The following CNTN5 variants were observed in gnomAD, a reference collection of about 807,000 sequenced individuals.
CNTN5 encodes the protein contactin 5.
Under a neutral mutation model 129.1 loss-of-function variants are expected in CNTN5, and 77 were observed. The ratio of observed to expected loss-of-function variants is 0.60; its 90% CI spans 0.50 to 0.72. CNTN5 has a LOEUF of 0.72. CNTN5 is among the 30% of genes least tolerant of loss of function. The pLI is 0.00. For synonymous variants in CNTN5, 509 were observed against 465.6 expected, an observed-to-expected ratio of 1.09 and a Z score of -1.20; for missense variants, 1,478 against 1,328.8, an observed-to-expected ratio of 1.11 and a Z score of -1.75.
intron 8 of CNTN5, among the ~76,000 whole-genome samples, chr11:99,970,581 G>A (rs566009349): frequency 3.3e-5 from 5 of 152,258 alleles, no homozygotes; most frequent in African/African-American, 1.2e-4. Context: ...ACTTAGAAAA[G>A]TGCCTGTTAT....
At chr11:99,130,443 A>G (rs4565864) in intron 1 of CNTN5, among the ~76,000 whole-genome samples, 37,465 of 152,200 alleles carry the variant, frequency 0.25, 4,984 homozygotes, top group Middle Eastern at 0.3. Flanking sequence ...CACCCAATAC[A>G]GGAGCACTCA....
At chr11:99,455,543 G>A (rs919969883) in intron 2 of CNTN5, among the ~76,000 whole-genome samples, 10 of 152,000 alleles carry the variant, frequency 6.6e-5, no homozygotes, top group South Asian at 2.1e-4. Context: ...TGCTGTTGTC[G>A]AAATCAAATT....
chr11:100,155,224 T>G (rs1947198553), intron 13 of CNTN5, among the ~76,000 whole-genome samples: 1 of 152,014 alleles, frequency 6.6e-6, no homozygotes, highest in Non-Finnish European at 1.5e-5. Flanking sequence ...GGTCCAGTTT[T>G]AGTTTTCTGC....
chr11:99,495,497 A>C (rs567731672), intron 2 of CNTN5, among the ~76,000 whole-genome samples: 1 of 152,348 alleles, frequency 6.6e-6, no homozygotes, highest in East Asian at 1.9e-4. Context: ...CTCACATAGA[A>C]AGTCAGAAAG....
chr11:99,589,937 T>G (rs1179907161), intron 3 of CNTN5, among the ~76,000 whole-genome samples: 1 of 152,166 alleles, frequency 6.6e-6, no homozygotes, highest in Non-Finnish European at 1.5e-5. Flanking sequence ...TTGTATGCAG[T>G]GCATCCACAC....
At chr11:99,846,547 C>A (rs1947704984) in intron 6 of CNTN5, among the ~76,000 whole-genome samples, 1 of 151,532 alleles carries the variant, frequency 6.6e-6, no homozygotes, top group South Asian at 2.1e-4. Context: ...AGGATAGAAT[C>A]TCTAAAAAAT....
chr11:99,673,777 G>T (rs561907451), intron 3 of CNTN5, among the ~76,000 whole-genome samples: 3 of 148,242 alleles, frequency 2.0e-5, no homozygotes, highest in South Asian at 4.3e-4. Flanking sequence ...AAAAAAAAAA[G>T]ATCTCATCCT....
intron 2 of CNTN5, among the ~76,000 whole-genome samples, chr11:99,336,367 C>A (rs1376708707): frequency 6.6e-6 from 1 of 151,926 alleles, no homozygotes; most frequent in Admixed American, 6.6e-5. Flanking sequence ...TTGTGGAATT[C>A]CTTAAATAAC....
At position 99,507,068 on chromosome 11, in the gene CNTN5, C is replaced by A. The variant is rs181791394; in HGVS notation, c.-70-49077C>A. On this transcript the variant is annotated intron_variant, in intron 2 of 24. Transcript: ENST00000524871. ...AATAAAAAGTGTATTGTACCTATGACCCTCATATATGCATACATAATACAC... is the reference window on the plus strand; with the variant it reads ...AATAAAAAGTGTATTGTACCTATGAACCTCATATATGCATACATAATACAC... 1.4e-4 allele frequency among the ~76,000 whole-genome samples: 21 copies of A among 151,870 alleles called. No individual in the cohort carries two copies. The East Asian group carries it at 3.7e-3, about 27-fold the overall frequency.
intron 7 of CNTN5, among the ~76,000 whole-genome samples, chr11:99,927,790 C>G (rs1397706586): frequency 6.6e-6 from 1 of 152,062 alleles, no homozygotes; most frequent in African/African-American, 2.4e-5. Flanking sequence ...CACCTCTGGC[C>G]CCTCTCAAAT....
chr11:99,479,207 T>C (rs1326065677), intron 2 of CNTN5, among the ~76,000 whole-genome samples: 1 of 151,972 alleles, frequency 6.6e-6, no homozygotes, highest in East Asian at 1.9e-4. Context: ...AGACTGTGAA[T>C]ATTGATAACA....
At chr11:100,227,667 AGAAT>A (rs1439375225) in intron 16 of CNTN5, among the ~76,000 whole-genome samples, 8 of 152,222 alleles carry the variant, frequency 5.3e-5, no homozygotes, top group Middle Eastern at 3.2e-3. Context: ...GAACCATAAT[AGAAT>A]GAATATGTTA....
At chr11:99,056,718 A>G (rs1296759286) in intron 1 of CNTN5, among the ~76,000 whole-genome samples, 1 of 151,998 alleles carries the variant, frequency 6.6e-6, no homozygotes, top group Non-Finnish European at 1.5e-5. Flanking sequence ...TCCCAGCTTC[A>G]TTGACTTGGG....
intron 6 of CNTN5, among the ~76,000 whole-genome samples, chr11:99,855,148 A>G (rs1947994312): frequency 6.6e-6 from 1 of 152,050 alleles, no homozygotes. Context: ...ATCTCTACCA[A>G]AAGTACAAAA....
Position 99,527,048 on chromosome 11 carries a change from C to T in CNTN5, c.-70-29097C>T, listed in dbSNP as rs181594685. ...TCATTGTAAGCCTGTTAACATCTCA[C>T]ATATCTCCTGAGATCCACTGCCCTT... On this transcript the variant is annotated intron_variant, in intron 2 of 24. Coordinates refer to ENST00000524871, the MANE Select transcript of CNTN5 (RefSeq NM_014361.4). 1.5e-4 allele frequency among the ~76,000 whole-genome samples: 23 copies of T among 152,368 alleles called. No individual in the cohort carries two copies. In the East Asian group the frequency reaches 4.4e-3, roughly 29 times the overall value.
At chr11:99,730,678 A>G (rs1943500661) in intron 3 of CNTN5, among the ~76,000 whole-genome samples, 1 of 151,570 alleles carries the variant, frequency 6.6e-6, no homozygotes, top group South Asian at 2.1e-4. Flanking sequence ...AAATTATTTT[A>G]CTAATACATA....
intron 2 of CNTN5, among the ~76,000 whole-genome samples, chr11:99,381,445 A>C (rs1349850735): frequency 2.6e-5 from 4 of 152,216 alleles, no homozygotes; most frequent in African/African-American, 9.7e-5. Flanking sequence ...ATTTTAATGC[A>C]ATTGGCATTG....
At chr11:99,835,282 C>T (rs968783056) in intron 4 of CNTN5, among the ~76,000 whole-genome samples, 5 of 152,158 alleles carry the variant, frequency 3.3e-5, no homozygotes, top group African/African-American at 4.8e-5. Flanking sequence ...GGTATGAAAA[C>T]AGCCTGAGTG....
intron 17 of CNTN5, among the ~76,000 whole-genome samples, chr11:100,262,701 ACAC>A (rs1435810739): frequency 2.6e-5 from 4 of 152,206 alleles, no homozygotes; most frequent in Non-Finnish European, 4.4e-5. Context: ...CAGAAACCAA[ACAC>A]CACATGTTCT....
Sources: allele counts gnomAD v4.1 joint callset (sites outside exome capture counted in the v4.1 genomes callset), GRCh38; gene constraint gnomAD v4.1.1; transcripts MANE v1.5; gene names NCBI Gene and HGNC (gene_info 2026-07-23, HGNC 2026-07-21).